Variants in SPATA17 observed in about 807,000 individuals in gnomAD.
The protein encoded by SPATA17 is spermatogenesis-associated protein 17.
Under a neutral mutation model 62.2 loss-of-function variants are expected in SPATA17, and 53 were observed. The ratio of observed to expected loss-of-function variants is 0.85; its 90% CI spans 0.68 to 1.07. SPATA17 has a LOEUF of 1.07. Among genes scored for constraint, SPATA17 ranks in the 50% least tolerant of loss-of-function variants. The pLI, the probability that SPATA17 is intolerant of heterozygous loss-of-function variation, is 0.00. For synonymous variants in SPATA17, 146 were observed against 146.8 expected, an observed-to-expected ratio of 0.99 and a Z score of 0.04; for missense variants, 466 against 425.5, an observed-to-expected ratio of 1.10 and a Z score of -0.84.
chr1:217,726,717 G>GT (rs111327823), intron 5 of SPATA17, among the ~76,000 whole-genome samples: 37,055 of 146,240 alleles, frequency 0.25, 4,954 homozygotes, highest in African/African-American at 0.35. Flanking sequence ...ATTTTTGTGT[G>GT]TTTTTTTTTT....
At chr1:217,719,402 T>C (rs1335631713) in intron 5 of SPATA17, among the ~76,000 whole-genome samples, 2 of 152,244 alleles carry the variant, frequency 1.3e-5, no homozygotes, top group Non-Finnish European at 2.9e-5. Flanking sequence ...GCAGATAATT[T>C]GTATTTTAAT....
intron 8 of SPATA17, among the ~76,000 whole-genome samples, chr1:217,789,122 G>A (rs1673939246): frequency 6.6e-6 from 1 of 152,020 alleles, no homozygotes; most frequent in African/African-American, 2.4e-5. Flanking sequence ...ACTTATATAG[G>A]CTTTCATTTA....
intron 4 of SPATA17, among the ~76,000 whole-genome samples, chr1:217,682,071 T>C (rs1447568744): frequency 6.6e-6 from 1 of 152,144 alleles, no homozygotes; most frequent in Non-Finnish European, 1.5e-5. Context: ...GTTGGAAAAT[T>C]TTAGGAATGA....
At chr1:217,781,535 G>A (rs149920303) in intron 7 of SPATA17, among the ~76,000 whole-genome samples, 1,982 of 152,268 alleles carry the variant, frequency 0.013, 16 homozygotes, top group Middle Eastern at 0.037. Context: ...TTTTCACAGT[G>A]CAGCTGTGGA....
chr1:217,710,690 T>C (rs1370030838), intron 5 of SPATA17, among the ~76,000 whole-genome samples: 1 of 152,190 alleles, frequency 6.6e-6, no homozygotes, highest in African/African-American at 2.4e-5. Context: ...TGAGATAAAA[T>C]CCAAATAATA....
intron 5 of SPATA17, among the ~76,000 whole-genome samples, chr1:217,727,083 A>G (rs544267711): frequency 2.2e-4 from 33 of 152,018 alleles, no homozygotes; most frequent in African/African-American, 8.0e-4. Flanking sequence ...CCCCATCTCT[A>G]CTAAAAATAC....
At chr1:217,738,096 G>A (rs959547409) in intron 5 of SPATA17, 1 of 152,534 alleles carries the variant, frequency 6.6e-6, no homozygotes, top group African/African-American at 2.4e-5. Flanking sequence ...AAAGTGCTGG[G>A]ATTATAGGCG....
intron 10 of SPATA17, among the ~76,000 whole-genome samples, chr1:217,864,027 A>G (rs947233465): frequency 6.6e-6 from 1 of 152,212 alleles, no homozygotes; most frequent in Non-Finnish European, 1.5e-5. Context: ...AATATGTTAA[A>G]TGCAGATACC....
chr1:217,631,966 T>C (rs181817453), intron 1 of SPATA17, among the ~76,000 whole-genome samples: 41 of 152,274 alleles, frequency 2.7e-4, no homozygotes, highest in Middle Eastern at 3.4e-3. Flanking sequence ...GCGAATCACC[T>C]GAGGCCAGGA....
intron 9 of SPATA17, among the ~76,000 whole-genome samples, chr1:217,841,124 A>G (rs1198209044): frequency 6.6e-6 from 1 of 152,014 alleles, no homozygotes; most frequent in Non-Finnish European, 1.5e-5. Context: ...TCACTTAACC[A>G]TGATATTTAC....
At chr1:217,810,617 C>CA (rs112509140) in intron 9 of SPATA17, among the ~76,000 whole-genome samples, 2,960 of 143,128 alleles carry the variant, frequency 0.021, 50 homozygotes, top group African/African-American at 0.051. Flanking sequence ...GACTCTGTCT[C>CA]AAAAAAAAAA....
intron 5 of SPATA17, among the ~76,000 whole-genome samples, chr1:217,703,681 C>T (rs752169949): frequency 2.6e-5 from 4 of 151,904 alleles, no homozygotes; most frequent in African/African-American, 4.8e-5. Context: ...CTCATATTTT[C>T]TTGTTTAGGA....
intron 5 of SPATA17, among the ~76,000 whole-genome samples, chr1:217,689,388 G>A (rs1671297380): frequency 6.6e-6 from 1 of 151,802 alleles, no homozygotes; most frequent in South Asian, 2.1e-4. Context: ...ACCACGCCCG[G>A]CTAATTTTCA....
intron 7 of SPATA17, 42 bp from the exon 8 acceptor site, chr1:217,782,132 A>C (rs989558728): frequency 2.6e-6 from 4 of 1,522,068 alleles, no homozygotes; most frequent in Admixed American, 4.4e-5. Context: ...TACCTCAAAA[A>C]AATCTTCCAT....
At chr1:217,777,861 C>T (rs1273248406) in intron 7 of SPATA17, among the ~76,000 whole-genome samples, 5 of 152,010 alleles carry the variant, frequency 3.3e-5, no homozygotes, top group Admixed American at 3.3e-4. Flanking sequence ...GATATGTCTT[C>T]AGAGTATGGT....
chr1:217,687,576 A>G (rs1385370646), intron 5 of SPATA17, among the ~76,000 whole-genome samples: 1 of 152,220 alleles, frequency 6.6e-6, no homozygotes, highest in Admixed American at 6.5e-5. Flanking sequence ...CAGTTGTATT[A>G]CAATTACATA....
intron 6 of SPATA17, among the ~76,000 whole-genome samples, chr1:217,751,098 T>A (rs1672894931): frequency 6.6e-6 from 1 of 152,158 alleles, no homozygotes; most frequent in Non-Finnish European, 1.5e-5. Flanking sequence ...TTTCTCTTTC[T>A]CTGAAATGGG....
At chr1:217,747,122 T>A (rs915573742) in intron 6 of SPATA17, among the ~76,000 whole-genome samples, 1 of 152,148 alleles carries the variant, frequency 6.6e-6, no homozygotes, top group Non-Finnish European at 1.5e-5. Flanking sequence ...TAATTTTGGT[T>A]GATTTGGATA....
chr1:217,683,174 A>C (rs1671135687), intron 4 of SPATA17, 84 bp from the exon 5 acceptor site: 1 of 909,108 alleles, frequency 1.1e-6, no homozygotes, highest in African/African-American at 1.7e-5. Flanking sequence ...GTTATCAGCC[A>C]TAATTACCTT....
Sources: allele counts gnomAD v4.1 joint callset (sites outside exome capture counted in the v4.1 genomes callset), GRCh38; gene constraint gnomAD v4.1.1; transcripts MANE v1.5; gene names NCBI Gene and HGNC (gene_info 2026-07-23, HGNC 2026-07-21).